Variants in SAMD5 observed in about 807,000 individuals in gnomAD.
SAMD5 encodes sterile alpha motif domain containing 5.
In SAMD5, 13 loss-of-function variants were observed where a neutral mutation model predicts 11.3. The ratio of observed to expected loss-of-function variants is 1.15; its 90% CI spans 0.75 to 1.83. The LOEUF (loss-of-function observed/expected upper bound fraction) is 1.83. SAMD5 is among the 40% of genes most tolerant of loss of function. SAMD5 has a pLI of 0.00. For synonymous variants in SAMD5, 129 were observed against 111.3 expected (o/e 1.16, Z -1.00); for missense variants, 255 against 239.1 (o/e 1.07, Z -0.44).
At chr6:147,577,602 T>G (rs1369258275) in intron 1 of SAMD5, among the ~76,000 whole-genome samples, 2 of 152,170 alleles carry the variant, frequency 1.3e-5, no homozygotes, top group Admixed American at 1.3e-4. Context: ...TGCTTTAATA[T>G]CCTTCCAAGT....
At chr6:147,699,947 A>G (rs1293904640) in intron 1 of SAMD5, among the ~76,000 whole-genome samples, 1 of 152,222 alleles carries the variant, frequency 6.6e-6, no homozygotes, top group Non-Finnish European at 1.5e-5. Flanking sequence ...GAAATTCATT[A>G]TTACTGCTGA....
chr6:147,942,114 T>C, the SAMD5 span, among the ~76,000 whole-genome samples: 2 of 152,114 alleles, frequency 1.3e-5, no homozygotes, highest in African/African-American at 2.4e-5. Flanking sequence ...CCTGACCTCA[T>C]GATCCACCCG....
the SAMD5 span, among the ~76,000 whole-genome samples, chr6:147,881,586 C>T: frequency 1.7e-4 from 26 of 152,184 alleles, no homozygotes; most frequent in Non-Finnish European, 3.2e-4. Context: ...AGCTTGACTC[C>T]TGCTTGTCAG....
At chr6:147,636,581 C>A (rs538141485) in intron 1 of SAMD5, among the ~76,000 whole-genome samples, 2 of 152,322 alleles carry the variant, frequency 1.3e-5, no homozygotes, top group South Asian at 4.1e-4. Context: ...ATTGCTGCAT[C>A]TGTCACTTTT....
intron 1 of SAMD5, among the ~76,000 whole-genome samples, chr6:147,620,329 A>C: frequency 6.6e-6 from 1 of 151,900 alleles, no homozygotes; most frequent in East Asian, 1.9e-4. Context: ...CCCCAGCCTT[A>C]CTCCCGTACG....
At chr6:147,783,462 C>T in the SAMD5 span, among the ~76,000 whole-genome samples, 2 of 151,952 alleles carry the variant, frequency 1.3e-5, no homozygotes, top group East Asian at 1.9e-4. Context: ...GGCACAATCT[C>T]GGCTAACTGC....
chr6:147,628,469 C>A (rs1158219986), intron 1 of SAMD5, among the ~76,000 whole-genome samples: 1 of 152,094 alleles, frequency 6.6e-6, no homozygotes, highest in Non-Finnish European at 1.5e-5. Flanking sequence ...CACCAGGAGC[C>A]ACATGGATCT....
chr6:147,797,958 T>C, the SAMD5 span, among the ~76,000 whole-genome samples: 7 of 151,448 alleles, frequency 4.6e-5, no homozygotes. Flanking sequence ...TCTTCTCTCT[T>C]TTTTTCTTTA....
the SAMD5 span, among the ~76,000 whole-genome samples, chr6:147,821,563 G>T: frequency 2.0e-5 from 3 of 152,220 alleles, no homozygotes; most frequent in African/African-American, 7.2e-5. Context: ...CTGACATGCT[G>T]CGGGGTTCTG....
intron 1 of SAMD5, among the ~76,000 whole-genome samples, chr6:147,715,873 C>T (rs1009942191): frequency 6.6e-6 from 1 of 152,124 alleles, no homozygotes; most frequent in African/African-American, 2.4e-5. Context: ...ATCCATCTCT[C>T]CTCCTCTCCT....
At chr6:147,642,814 T>A (rs2128452520) in intron 1 of SAMD5, among the ~76,000 whole-genome samples, 1 of 152,326 alleles carries the variant, frequency 6.6e-6, no homozygotes, top group South Asian at 2.1e-4. Context: ...GGCTAAGACC[T>A]ACCTACTGCC....
intron 1 of SAMD5, among the ~76,000 whole-genome samples, chr6:147,518,019 A>G (rs1443329141): frequency 1.3e-5 from 2 of 152,154 alleles, no homozygotes; most frequent in East Asian, 3.8e-4. Context: ...TGCTTTTCAA[A>G]ACACGAAAGT....
At chr6:147,929,564 T>A in the SAMD5 span, among the ~76,000 whole-genome samples, 1 of 152,006 alleles carries the variant, frequency 6.6e-6, no homozygotes, top group Non-Finnish European at 1.5e-5. Context: ...AAAGGAAAAA[T>A]TATAATAAAA....
the SAMD5 span, among the ~76,000 whole-genome samples, chr6:147,827,794 A>G: frequency 1.7e-4 from 25 of 146,230 alleles, no homozygotes; most frequent in Admixed American, 1.4e-4. Flanking sequence ...CTAACATGAC[A>G]TTTTTTTTTT....
At chr6:147,807,588 C>T in the SAMD5 span, among the ~76,000 whole-genome samples, 54 of 152,336 alleles carry the variant, frequency 3.5e-4, no homozygotes, top group African/African-American at 1.2e-3. Flanking sequence ...TTTCGCCACA[C>T]AGTACTGCAT....
chr6:147,652,627 G>A (rs9403872), intron 1 of SAMD5, among the ~76,000 whole-genome samples: 62,647 of 151,960 alleles, frequency 0.41, 14,904 homozygotes, highest in Middle Eastern at 0.55. Flanking sequence ...TCCTCATCTC[G>A]GATCCCTATG....
chr6:147,726,019 T>G (rs1239319765), intron 1 of SAMD5, among the ~76,000 whole-genome samples: 1 of 152,236 alleles, frequency 6.6e-6, no homozygotes, highest in Non-Finnish European at 1.5e-5. Flanking sequence ...AGATTAGCTG[T>G]AGATAAAATA....
At chr6:147,516,397 C>T (rs76905407) in intron 1 of SAMD5, among the ~76,000 whole-genome samples, 1,667 of 152,236 alleles carry the variant, frequency 0.011, 34 homozygotes, top group African/African-American at 0.037. Flanking sequence ...CATCAGAGTT[C>T]GAGTCCCAGC....
chr6:147,697,791 T>G (rs1791197438), intron 1 of SAMD5, among the ~76,000 whole-genome samples: 1 of 152,074 alleles, frequency 6.6e-6, no homozygotes, highest in African/African-American at 2.4e-5. Flanking sequence ...ATACTTTACT[T>G]GAGAGGCCTG....
Sources: allele counts gnomAD v4.1 joint callset (sites outside exome capture counted in the v4.1 genomes callset), GRCh38; gene constraint gnomAD v4.1.1; transcripts MANE v1.5; gene names NCBI Gene and HGNC (gene_info 2026-07-23, HGNC 2026-07-21).